The following SLC16A7 variants were observed in gnomAD, a reference collection of about 807,000 sequenced individuals.
SLC16A7 encodes the protein solute carrier family 16 member 7, also known as monocarboxylate transporter 2.
Under a neutral mutation model 34.9 loss-of-function variants are expected in SLC16A7, and 33 were observed. That is an observed-to-expected ratio of 0.94 (90% CI 0.72 to 1.26). SLC16A7 has a LOEUF of 1.26. Ranked by LOEUF, SLC16A7 falls within the 50% of genes most tolerant of loss-of-function variation. The probability of loss-of-function intolerance (pLI) is 0.00; values close to 1 mark genes in which losing one functional copy is unlikely to be tolerated. For synonymous variants in SLC16A7, 201 were observed against 206.6 expected (o/e 0.97, Z 0.23); for missense variants, 573 against 578.1 (o/e 0.99, Z 0.09).
chr12:59,664,405 G>A (rs1157385439), intron 2 of SLC16A7, among the ~76,000 whole-genome samples: 1 of 152,086 alleles, frequency 6.6e-6, no homozygotes, highest in African/African-American at 2.4e-5. Flanking sequence ...CATGTAGGGA[G>A]TGTTATGTGT....
At chr12:59,723,768 T>A (rs1243954462) in intron 3 of SLC16A7, among the ~76,000 whole-genome samples, 2 of 152,040 alleles carry the variant, frequency 1.3e-5, no homozygotes, top group Admixed American at 6.6e-5. Context: ...AATACTCTTA[T>A]AAGATCTGAA....
intron 3 of SLC16A7, among the ~76,000 whole-genome samples, chr12:59,747,399 A>G (rs1455830719): frequency 6.6e-6 from 1 of 152,250 alleles, no homozygotes; most frequent in East Asian, 1.9e-4. Context: ...AGTATAATGT[A>G]TTAAGGGTTT....
chr12:59,680,113 C>A (rs1261348722), intron 2 of SLC16A7, among the ~76,000 whole-genome samples: 2 of 152,176 alleles, frequency 1.3e-5, no homozygotes, highest in East Asian at 3.8e-4. Context: ...GTTAGGGAGG[C>A]TATCCCACTT....
At chr12:59,609,429 G>A (rs781055694) in intron 1 of SLC16A7, among the ~76,000 whole-genome samples, 2 of 151,968 alleles carry the variant, frequency 1.3e-5, no homozygotes, top group Non-Finnish European at 2.9e-5. Flanking sequence ...TGGCATATCT[G>A]GACTTTAGGC....
intron 1 of SLC16A7, among the ~76,000 whole-genome samples, chr12:59,621,903 G>T (rs1462134581): frequency 6.6e-6 from 1 of 151,726 alleles, no homozygotes; most frequent in Non-Finnish European, 1.5e-5. Context: ...TATATTTACA[G>T]TATTTCCTCA....
At chr12:59,635,501 T>C (rs1434448948) in intron 1 of SLC16A7, among the ~76,000 whole-genome samples, 5 of 152,114 alleles carry the variant, frequency 3.3e-5, no homozygotes, top group African/African-American at 1.2e-4. Context: ...TATCCTTTAC[T>C]TTACTAATTA....
chr12:59,625,401 C>CTT (rs1879882627), intron 1 of SLC16A7, among the ~76,000 whole-genome samples: 1 of 151,750 alleles, frequency 6.6e-6, no homozygotes, highest in African/African-American at 2.4e-5. Context: ...TAGATGGTAA[C>CTT]AAGGGATACT....
At chr12:59,642,399 C>T (rs1035811007) in intron 1 of SLC16A7, among the ~76,000 whole-genome samples, 1 of 151,904 alleles carries the variant, frequency 6.6e-6, no homozygotes, top group Non-Finnish European at 1.5e-5. Context: ...ATATTTATTT[C>T]GCTTACCATA....
chr12:59,698,017 T>C (rs1872511118), intron 2 of SLC16A7, among the ~76,000 whole-genome samples: 1 of 151,778 alleles, frequency 6.6e-6, no homozygotes, highest in African/African-American at 2.4e-5. Context: ...AGTAAATAAA[T>C]CAGTAGAAAT....
intron 3 of SLC16A7, among the ~76,000 whole-genome samples, chr12:59,769,709 G>T (rs771457991): frequency 6.6e-6 from 1 of 151,950 alleles, no homozygotes; most frequent in Non-Finnish European, 1.5e-5. Context: ...TGTATAAAAG[G>T]ATATGAGTGC....
chr12:59,755,011 T>A (rs896990541), intron 3 of SLC16A7, among the ~76,000 whole-genome samples: 2 of 152,108 alleles, frequency 1.3e-5, no homozygotes, highest in Non-Finnish European at 2.9e-5. Context: ...AAAAAACACA[T>A]GATTATCTCA....
At chr12:59,720,307 G>A in intron 3 of SLC16A7, 1 of 507,402 alleles carries the variant, frequency 2.0e-6, no homozygotes, top group Non-Finnish European at 3.4e-6. Flanking sequence ...TCTTGAAATA[G>A]GTTTTTAGTC....
At position 59,772,758 on chromosome 12, in the gene SLC16A7, C is replaced by T. The variant is rs143599283; in HGVS notation, c.361+1396C>T. On this transcript the variant is annotated intron_variant, in intron 4 of 5. Transcript: ENST00000547379. The stretch of plus-strand genomic sequence containing the variant: ...ATTAGAAAAATGTAAAAAATGAATA[C>T]GTAGTACTTTAGAGTACCCAGAATT... 5.3e-3 allele frequency among the ~76,000 whole-genome samples: 799 copies of T among 152,052 alleles called. 8 individuals carry two copies. Among genetic ancestry groups the T allele is most frequent in the African/African-American group, 0.015 (618 of 41,474 alleles).
chr12:59,779,534 TGCTTGCAAAGGAAAG>T lies in SLC16A7; in HGVS notation c.1294_1308del (p.Leu432_Arg436del), dbSNP rs779627945. On this transcript the variant is annotated inframe_deletion, in exon 6 of 6. Coordinates refer to ENST00000547379, the MANE Select transcript of SLC16A7 (RefSeq NM_001270623.2). ...ATTGGCAATGCTATCAACTATAGAT[TGCTTGCAAAGGAAAG>T]GAAGGAGGAAAATGCAAGGCAGAAG... is the stretch of plus-strand genomic sequence containing the variant. The T allele has an allele frequency of 6.2e-7, 1 of 1,613,052 alleles. No homozygotes were observed. Among genetic ancestry groups the T allele is most frequent in the African/African-American group, 1.3e-5 (1 of 74,860 alleles).
chr12:59,763,176 A>G (rs1195352249), intron 3 of SLC16A7, among the ~76,000 whole-genome samples: 3 of 152,094 alleles, frequency 2.0e-5, no homozygotes, highest in East Asian at 1.9e-4. Flanking sequence ...GGCATCCTGT[A>G]TATCTATAGA....
In SLC16A7 at chr12:59,678,767, C is replaced by T. The variant is rs75630168; in HGVS notation, c.-31+23517C>T. On this transcript the variant is annotated intron_variant, in intron 2 of 5. Transcript: ENST00000547379. ...AGGTGGGGTTTCACCTGGAACCCAT[C>T]CCTTTCTGCCCAGGAGTCTGTCTTC... Among the ~76,000 whole-genome samples the T allele has an allele frequency of 1.0e-3, 158 of 152,214 alleles. 5 individuals carry two copies. The highest frequency in any genetic ancestry group is 3.6e-3 in the African/African-American group (149 of 41,538).
intron 3 of SLC16A7, among the ~76,000 whole-genome samples, chr12:59,769,621 G>T (rs113464645): frequency 1.3e-4 from 20 of 152,056 alleles, no homozygotes; most frequent in African/African-American, 4.8e-4. Context: ...TCTTTCAAAA[G>T]ATATTGTGGA....
intron 1 of SLC16A7, among the ~76,000 whole-genome samples, chr12:59,618,654 G>A (rs564796663): frequency 6.6e-6 from 1 of 151,858 alleles, no homozygotes; most frequent in African/African-American, 2.4e-5. Context: ...AGTCTTAATT[G>A]TTTGTTAATC....
At chr12:59,670,418 C>T (rs1411623087) in intron 2 of SLC16A7, among the ~76,000 whole-genome samples, 5 of 152,108 alleles carry the variant, frequency 3.3e-5, no homozygotes, top group Non-Finnish European at 4.4e-5. Flanking sequence ...CAATCCACCC[C>T]CCCCACCAAA....
Sources: allele counts gnomAD v4.1 joint callset (sites outside exome capture counted in the v4.1 genomes callset), GRCh38; gene constraint gnomAD v4.1.1; transcripts MANE v1.5; gene names NCBI Gene and HGNC (gene_info 2026-07-23, HGNC 2026-07-21).